NRXN1: variants seen among roughly 807,000 people sequenced by gnomAD.
NRXN1 encodes neurexin 1, also known as neurexin-1.
In NRXN1, 39 loss-of-function variants were observed where a neutral mutation model predicts 150.9. The ratio of observed to expected loss-of-function variants is 0.26; its 90% CI spans 0.20 to 0.34. The LOEUF (loss-of-function observed/expected upper bound fraction) is 0.34. NRXN1 is among the 10% of genes least tolerant of loss of function. The pLI is 1.00. For missense variants in NRXN1, 1,815 were observed against 1,949.9 expected, an observed-to-expected ratio of 0.93 and a Z score of 1.30; for synonymous variants, 924 against 757.0, an observed-to-expected ratio of 1.22 and a Z score of -3.62.
At chr2:50,572,041 G>C (rs1299300088) in intron 8 of NRXN1, among the ~76,000 whole-genome samples, 1 of 152,140 alleles carries the variant, frequency 6.6e-6, no homozygotes, top group Non-Finnish European at 1.5e-5. Context: ...AGTTATATTA[G>C]AGAAGCCCCA....
rs1417281364 is a variant in NRXN1 at position 51,029,087 on chromosome 2, C to G, written c.-814G>C. 1 of 152,272 alleles carries G rather than the reference C, an allele frequency of 6.6e-6. No homozygotes were observed. Among genetic ancestry groups the G allele is most frequent in the Non-Finnish European group, 1.5e-5 (1 of 68,056 alleles). 9.4% of individuals were successfully genotyped at this position (152,272 alleles called of 1,614,324 possible). On this transcript the variant is annotated 5_prime_UTR_variant, in exon 2 of 23. Coordinates refer to ENST00000401669, the MANE Select transcript of NRXN1 (RefSeq NM_001330078.2). Reference sequence around the variant, plus strand: ...TGTGGAAATCGCAACAGCTCCTCTTCTTTTCTCTCTGCCTCTGCAGGGCCA... The same window carrying G: ...TGTGGAAATCGCAACAGCTCCTCTTGTTTTCTCTCTGCCTCTGCAGGGCCA...
intron 19 of NRXN1, among the ~76,000 whole-genome samples, chr2:50,071,992 T>C (rs1355147826): frequency 6.6e-6 from 1 of 152,204 alleles, no homozygotes; most frequent in African/African-American, 2.4e-5. Context: ...ATAAACTCTA[T>C]CCATGTACAT....
intron 17 of NRXN1, among the ~76,000 whole-genome samples, chr2:50,376,962 CT>C (rs35715075): frequency 0.51 from 76,248 of 148,178 alleles, 20,141 homozygotes; most frequent in East Asian, 0.8. Context: ...CTTTTCTTTT[CT>C]TTTTTTTTTT....
intron 5 of NRXN1, among the ~76,000 whole-genome samples, chr2:50,686,671 C>G (rs1301591547): frequency 6.6e-6 from 1 of 152,158 alleles, no homozygotes; most frequent in African/African-American, 2.4e-5. Flanking sequence ...TAGAAAGAAC[C>G]TTGATTCTGC....
chr2:50,737,434 C>T (rs1698902404), intron 5 of NRXN1, among the ~76,000 whole-genome samples: 1 of 152,054 alleles, frequency 6.6e-6, no homozygotes, highest in African/African-American at 2.4e-5. Flanking sequence ...GGATATTATT[C>T]TCCTTTTTAT....
At chr2:50,352,553 T>C (rs1425200016) in intron 17 of NRXN1, among the ~76,000 whole-genome samples, 1 of 151,766 alleles carries the variant, frequency 6.6e-6, no homozygotes, top group Non-Finnish European at 1.5e-5. Context: ...TCTACCAGTA[T>C]CCCCATAAAG....
chr2:50,435,458 A>G (rs956444206), intron 17 of NRXN1, among the ~76,000 whole-genome samples: 6 of 152,212 alleles, frequency 3.9e-5, no homozygotes, highest in Admixed American at 6.5e-5. Flanking sequence ...ATAAGATTTT[A>G]AAAATGTAAA....
chr2:50,914,290 T>C lies in NRXN1; in HGVS notation c.832+7579A>G, dbSNP rs141997021. Among the ~76,000 whole-genome samples, 9 of 151,794 alleles carry C rather than the reference T, an allele frequency of 5.9e-5. No individual in the cohort carries two copies. In the East Asian group the frequency reaches 1.8e-3, roughly 30 times the overall value. On this transcript the variant is annotated intron_variant, in intron 5 of 22. Transcript: ENST00000401669. ...ATGATCTCGGAAGAATGAATCAATT[T>C]ATATTTATTTTAGTGAAAGATAAGC...
At chr2:50,236,649 C>T in intron 18 of NRXN1, 140 bp downstream of exon 18, 3 of 767,576 alleles carry the variant, frequency 3.9e-6, no homozygotes, top group South Asian at 1.5e-5. Context: ...GGTCTTATTT[C>T]CTCTAGATTG....
intron 5 of NRXN1, among the ~76,000 whole-genome samples, chr2:50,820,767 G>A (rs1257444776): frequency 1.3e-5 from 2 of 152,054 alleles, no homozygotes; most frequent in Non-Finnish European, 2.9e-5. Context: ...GTTTCCAGAT[G>A]TCGCCTCTCT....
chr2:49,923,675 T>C (rs1668604041), intron 22 of NRXN1, among the ~76,000 whole-genome samples: 1 of 152,204 alleles, frequency 6.6e-6, no homozygotes, highest in Non-Finnish European at 1.5e-5. Flanking sequence ...TATACTGCTT[T>C]GTAATTCCAT....
chr2:50,734,944 C>A (rs1284763721), intron 5 of NRXN1, among the ~76,000 whole-genome samples: 2 of 152,072 alleles, frequency 1.3e-5, no homozygotes, highest in Non-Finnish European at 2.9e-5. Context: ...TAATATGCAC[C>A]AAGACCAATT....
chr2:50,503,609 C>A (rs116395167), intron 13 of NRXN1, among the ~76,000 whole-genome samples: 42 of 151,792 alleles, frequency 2.8e-4, no homozygotes, highest in Non-Finnish European at 5.3e-4. Context: ...GAAGGAAGAG[C>A]CCTTGCTTAC....
intron 21 of NRXN1, among the ~76,000 whole-genome samples, chr2:49,987,488 G>C (rs553818284): frequency 6.6e-6 from 1 of 152,136 alleles, no homozygotes; most frequent in South Asian, 2.1e-4. Flanking sequence ...AAATTTTCCT[G>C]ATGGAGATCA....
chr2:50,419,268 A>G (rs2083784131), intron 17 of NRXN1, among the ~76,000 whole-genome samples: 1 of 152,124 alleles, frequency 6.6e-6, no homozygotes, highest in African/African-American at 2.4e-5. Flanking sequence ...CAGAAGAATC[A>G]TATCTTTCAG....
intron 17 of NRXN1, among the ~76,000 whole-genome samples, chr2:50,396,666 G>A (rs1043204270): frequency 6.6e-6 from 1 of 152,080 alleles, no homozygotes; most frequent in African/African-American, 2.4e-5. Context: ...GCATAGCAAG[G>A]CAAGACTGTT....
chr2:49,941,393 C>T (rs938541129), intron 22 of NRXN1, among the ~76,000 whole-genome samples: 10 of 151,486 alleles, frequency 6.6e-5, no homozygotes, highest in African/African-American at 2.4e-4. Context: ...CTCTCCTCTA[C>T]CTTCTTCCTC....
chr2:50,111,150 A>G (rs1476740705), intron 18 of NRXN1, among the ~76,000 whole-genome samples: 1 of 152,184 alleles, frequency 6.6e-6, no homozygotes, highest in Non-Finnish European at 1.5e-5. Flanking sequence ...TAATTTGCCA[A>G]TGACTCTTAA....
intron 5 of NRXN1, among the ~76,000 whole-genome samples, chr2:50,726,622 G>C (rs1030230506): frequency 4.6e-5 from 7 of 152,090 alleles, no homozygotes; most frequent in African/African-American, 1.7e-4. Flanking sequence ...CTGAGTCACA[G>C]AAAGGCAAAA....
Sources: gnomAD v4.1 joint callset for allele counts (sites outside exome capture counted in the v4.1 genomes callset) on GRCh38, gnomAD v4.1.1 for gene constraint, MANE v1.5 for transcripts, NCBI Gene and HGNC (gene_info 2026-07-23, HGNC 2026-07-21) for gene names.